The following SHISA9 variants were observed in gnomAD, a reference collection of about 807,000 sequenced individuals.
The protein encoded by SHISA9 is shisa family member 9.
A neutral mutation model predicts 38.0 loss-of-function variants in SHISA9; 13 were observed. The ratio of observed to expected loss-of-function variants is 0.34; its 90% confidence interval spans 0.22 to 0.54. The LOEUF is 0.54. Ranked by LOEUF, SHISA9 falls within the 20% of genes least tolerant of loss-of-function variation. The pLI is 0.91. For missense variants in SHISA9, 538 were observed against 575.8 expected, an observed-to-expected ratio of 0.93 and a Z score of 0.67; for synonymous variants, 275 against 242.0, an observed-to-expected ratio of 1.14 and a Z score of -1.27.
chr16:13,292,548 T>A, the SHISA9 span, among the ~76,000 whole-genome samples: 3 of 152,308 alleles, frequency 2.0e-5, no homozygotes, highest in Admixed American at 2.0e-4. Flanking sequence ...TGTGTACTGA[T>A]TTCTCTCTCT....
the SHISA9 span, among the ~76,000 whole-genome samples, chr16:13,313,272 A>AAAAAAC: frequency 1.5e-4 from 23 of 151,198 alleles, no homozygotes; most frequent in South Asian, 8.3e-4. Context: ...AAAAAAAAAA[A>AAAAAAC]CCCAGTTTTA....
At chr16:13,339,165 C>CTTTTTTT in the SHISA9 span, among the ~76,000 whole-genome samples, 1 of 132,856 alleles carries the variant, frequency 7.5e-6, no homozygotes. Flanking sequence ...CTTATTGTGA[C>CTTTTTTT]TTTTTTTTTT....
the SHISA9 span, among the ~76,000 whole-genome samples, chr16:13,433,550 G>T: frequency 6.6e-6 from 1 of 151,996 alleles, no homozygotes; most frequent in South Asian, 2.1e-4. Flanking sequence ...TGTGTTCAAG[G>T]ATACAGAGCA....
At chr16:13,011,951 G>A (rs1299757680) in intron 2 of SHISA9, among the ~76,000 whole-genome samples, 4 of 151,918 alleles carry the variant, frequency 2.6e-5, no homozygotes, top group African/African-American at 7.2e-5. Context: ...TCAGCCTCCC[G>A]AGTAGCTGGA....
At chr16:13,396,278 C>T in the SHISA9 span, among the ~76,000 whole-genome samples, 14 of 152,248 alleles carry the variant, frequency 9.2e-5, no homozygotes, top group East Asian at 7.7e-4. Context: ...AGGCCGAGGC[C>T]GGCGGATCAC....
intron 2 of SHISA9, among the ~76,000 whole-genome samples, chr16:12,982,419 T>C (rs147895247): frequency 7.9e-5 from 12 of 152,318 alleles, no homozygotes; most frequent in Non-Finnish European, 1.5e-4. Context: ...CTAGAATATA[T>C]TGCCTCTCAA....
chr16:12,948,671 G>T (rs1161678608), intron 2 of SHISA9, among the ~76,000 whole-genome samples: 1 of 152,122 alleles, frequency 6.6e-6, no homozygotes, highest in East Asian at 1.9e-4. Flanking sequence ...TCTCATACAG[G>T]CATTAATCCT....
At chr16:13,470,345 G>T in the SHISA9 span, among the ~76,000 whole-genome samples, 1 of 152,122 alleles carries the variant, frequency 6.6e-6, no homozygotes, top group Non-Finnish European at 1.5e-5. Context: ...AATGTATGAG[G>T]AGTGTATTAG....
At chr16:13,423,713 CAGTA>C in the SHISA9 span, among the ~76,000 whole-genome samples, 2 of 152,170 alleles carry the variant, frequency 1.3e-5, no homozygotes, top group Admixed American at 6.5e-5. Flanking sequence ...ATAGAGGTGT[CAGTA>C]AGGCTGTGTT....
At chr16:13,417,496 T>A in the SHISA9 span, among the ~76,000 whole-genome samples, 1 of 152,156 alleles carries the variant, frequency 6.6e-6, no homozygotes, top group Non-Finnish European at 1.5e-5. Flanking sequence ...ATTTGCTCAG[T>A]TTATTTGCTT....
At chr16:13,114,178 C>T (rs796904174) in intron 2 of SHISA9, among the ~76,000 whole-genome samples, 8 of 151,998 alleles carry the variant, frequency 5.3e-5, no homozygotes, top group African/African-American at 1.9e-4. Flanking sequence ...AAAAATAATA[C>T]GAAAAAGGCT....
the SHISA9 span, among the ~76,000 whole-genome samples, chr16:13,454,372 T>C: frequency 6.6e-6 from 1 of 152,132 alleles, no homozygotes; most frequent in Non-Finnish European, 1.5e-5. Context: ...GTGTTTGCCT[T>C]CACTGACACC....
At chr16:12,920,026 G>A (rs985809157) in intron 2 of SHISA9, among the ~76,000 whole-genome samples, 2 of 152,260 alleles carry the variant, frequency 1.3e-5, no homozygotes, top group Admixed American at 6.5e-5. Context: ...TCCCCCTTTC[G>A]GGGTTCAGGC....
chr16:13,031,126 T>C (rs1458917621), intron 2 of SHISA9, among the ~76,000 whole-genome samples: 1 of 152,220 alleles, frequency 6.6e-6, no homozygotes, highest in Non-Finnish European at 1.5e-5. Context: ...GCACTGTGAT[T>C]ACCATGGGTC....
chr16:12,977,177 T>G (rs950767516), intron 2 of SHISA9, among the ~76,000 whole-genome samples: 3 of 152,072 alleles, frequency 2.0e-5, no homozygotes, highest in Admixed American at 6.5e-5. Context: ...TTCCAGACAA[T>G]GGAGGCTCGG....
chr16:12,973,516 A>T (rs12934492), intron 2 of SHISA9, among the ~76,000 whole-genome samples: 24,646 of 152,146 alleles, frequency 0.16, 2,127 homozygotes, highest in Admixed American at 0.2. Context: ...GAGATTTGGC[A>T]GACAACTGGG....
At chr16:13,544,627 G>C in the SHISA9 span, among the ~76,000 whole-genome samples, 1 of 151,918 alleles carries the variant, frequency 6.6e-6, no homozygotes, top group African/African-American at 2.4e-5. Context: ...ACCTTTTTAG[G>C]TGTGAGTTTG....
At chr16:13,397,229 G>A in the SHISA9 span, among the ~76,000 whole-genome samples, 2 of 152,186 alleles carry the variant, frequency 1.3e-5, no homozygotes, top group Non-Finnish European at 2.9e-5. Context: ...AGTGAAATGG[G>A]AAAAGTTCCC....
chr16:13,537,995 A>G, the SHISA9 span, among the ~76,000 whole-genome samples: 4 of 152,218 alleles, frequency 2.6e-5, no homozygotes, highest in Admixed American at 2.6e-4. Flanking sequence ...TGATGATAAA[A>G]TAAGTATATT....
Sources: gnomAD v4.1 joint callset for allele counts (sites outside exome capture counted in the v4.1 genomes callset) on GRCh38, gnomAD v4.1.1 for gene constraint, MANE v1.5 for transcripts, NCBI Gene and HGNC (gene_info 2026-07-23, HGNC 2026-07-21) for gene names.